Variants in SENP2 observed in about 807,000 individuals in gnomAD.
SENP2 encodes sentrin-specific protease 2.
A neutral mutation model predicts 86.3 loss-of-function variants in SENP2; 16 were observed. The ratio of observed to expected loss-of-function variants is 0.19; its 90% CI spans 0.13 to 0.28. The LOEUF (loss-of-function observed/expected upper bound fraction) is 0.28, where lower values mean the gene tolerates loss of function less well. SENP2 is among the 10% of genes least tolerant of loss of function. The probability of loss-of-function intolerance (pLI) is 1.00; values close to 1 mark genes in which losing one functional copy is unlikely to be tolerated. For synonymous variants in SENP2, 222 were observed against 238.7 expected, an observed-to-expected ratio of 0.93 and a Z score of 0.64; for missense variants, 552 against 703.0, an observed-to-expected ratio of 0.79 and a Z score of 2.43.
chr3:185,586,342 C>A lies in SENP2; in HGVS notation c.-72C>A. The A allele has an allele frequency of 6.3e-7, 1 of 1,593,102 alleles. No homozygotes were observed. The highest frequency in any genetic ancestry group is 2.2e-5 in the East Asian group (1 of 44,554). ...GCGGTGGTGGTTAAGACGGCGAAGGCGGCAGCGGCGGCGACAGCTCTGGGG... is the reference window on the plus strand; with the variant it reads ...GCGGTGGTGGTTAAGACGGCGAAGGAGGCAGCGGCGGCGACAGCTCTGGGG... On this transcript the variant is annotated 5_prime_UTR_variant, in exon 1 of 17. Transcript: ENST00000296257. The surrounding 1 kb of genome is among the most constrained non-coding windows in gnomAD (Gnocchi z 4.3).
chr3:185,622,763 T>G (rs1711946638), intron 14 of SENP2, among the ~76,000 whole-genome samples: 1 of 151,912 alleles, frequency 6.6e-6, no homozygotes, highest in African/African-American at 2.4e-5. Flanking sequence ...TACAGTATAG[T>G]TTGATGTGCT....
intron 16 of SENP2, among the ~76,000 whole-genome samples, chr3:185,626,721 C>T (rs948321383): frequency 1.6e-4 from 24 of 151,454 alleles, no homozygotes; most frequent in Non-Finnish European, 3.1e-4. Flanking sequence ...TGCAGTGAGC[C>T]GAGGTCGCAC....
intron 13 of SENP2, among the ~76,000 whole-genome samples, chr3:185,620,066 A>T (rs2034343): frequency 0.4 from 56,642 of 143,136 alleles, 10,942 homozygotes; most frequent in South Asian, 0.57. Context: ...TTTTTTTTTT[A>T]AATTTTTATT....
At chr3:185,594,683 A>G (rs370386642) in intron 2 of SENP2, among the ~76,000 whole-genome samples, 3 of 150,710 alleles carry the variant, frequency 2.0e-5, no homozygotes, top group East Asian at 3.9e-4. Context: ...GCAGTGGCAC[A>G]ATCTCGGTTC....
In SENP2 at chr3:185,630,213, CA is replaced by C. The variant is rs1712353122; in HGVS notation, c.*372del. The C allele has an allele frequency of 5.2e-6, 1 of 190,916 alleles. No homozygotes were observed. Among genetic ancestry groups the C allele is most frequent in the South Asian group, 1.3e-4 (1 of 7,544 alleles). 11.8% of individuals were successfully genotyped at this position (190,916 alleles called of 1,614,324 possible). A position where few individuals can be genotyped will look rare whatever the true frequency, so the allele number is the denominator to read the frequency against. On this transcript the variant is annotated 3_prime_UTR_variant, in exon 17 of 17. Transcript: ENST00000296257. ...GCGTATTCATTCACTCACTCGTTTG[CA>C]AACATAATGGGCAGTGGTCATTTAC...
At chr3:185,628,669 G>C (rs1712268147) in intron 16 of SENP2, among the ~76,000 whole-genome samples, 1 of 151,974 alleles carries the variant, frequency 6.6e-6, no homozygotes, top group South Asian at 2.1e-4. Flanking sequence ...ACCACCCCTG[G>C]CTAATTTTGT....
intron 8 of SENP2, chr3:185,612,393 C>T: frequency 2.2e-6 from 1 of 452,794 alleles, no homozygotes; most frequent in East Asian, 3.4e-5. Flanking sequence ...AGATATCACT[C>T]AGTTTATAGT....
chr3:185,615,624 G>A (rs1181586350), intron 11 of SENP2, among the ~76,000 whole-genome samples: 17 of 152,134 alleles, frequency 1.1e-4, no homozygotes, highest in Non-Finnish European at 2.2e-4. Flanking sequence ...GATTATAGGC[G>A]CAAGCCACTG....
In SENP2 at chr3:185,611,618, T is replaced by C. The variant is rs746523684; in HGVS notation, c.723-33T>C. ...ATATTAATGGTAGACTTTGCTTTTG[T>C]ATCTGATCTCCCTCACTTTTTGTGT... On this transcript the variant is annotated intron_variant, in intron 7 of 16. Transcript: ENST00000296257. 4.8e-6 allele frequency: 7 copies of C among 1,468,434 alleles called. No individual in the cohort carries two copies. In the South Asian group the frequency reaches 8.0e-5, roughly 17 times the overall value. 91.0% of individuals were successfully genotyped at this position (1,468,434 alleles called of 1,614,324 possible). A position where few individuals can be genotyped will look rare whatever the true frequency, so the allele number is the denominator to read the frequency against.
At chr3:185,627,542 A>C (rs929863160) in intron 16 of SENP2, among the ~76,000 whole-genome samples, 1 of 152,052 alleles carries the variant, frequency 6.6e-6, no homozygotes, top group African/African-American at 2.4e-5. Context: ...CCTCCCCAGT[A>C]GCTGGGACTA....
intron 12 of SENP2, 97 bp from the exon 13 acceptor site, chr3:185,619,202 A>T: frequency 1.1e-6 from 1 of 875,688 alleles, no homozygotes; most frequent in Non-Finnish European, 1.8e-6. Flanking sequence ...CCTCTTCTTT[A>T]GTACCTTACC....
intron 5 of SENP2, among the ~76,000 whole-genome samples, chr3:185,604,908 A>G (rs1331017377): frequency 6.6e-6 from 1 of 151,078 alleles, no homozygotes; most frequent in Non-Finnish European, 1.5e-5. Context: ...GGCATGCACC[A>G]CCACGCCCAG....
At chr3:185,589,306 TACAC>T (rs1411759121) in intron 1 of SENP2, among the ~76,000 whole-genome samples, 8 of 152,118 alleles carry the variant, frequency 5.3e-5, no homozygotes, top group Non-Finnish European at 8.8e-5. Flanking sequence ...TTAACTCCCT[TACAC>T]ACACACAAAA....
chr3:185,595,389 G>C (rs1168618321), intron 2 of SENP2, among the ~76,000 whole-genome samples: 1 of 152,102 alleles, frequency 6.6e-6, no homozygotes, highest in Non-Finnish European at 1.5e-5. Flanking sequence ...GGGATAACCT[G>C]GAATTCTCTG....
In SENP2 at chr3:185,606,448, T is replaced by C; in HGVS notation, c.568T>C (p.Ser190Pro). The C allele has an allele frequency of 6.2e-7, 1 of 1,613,934 alleles. No individual in the cohort carries two copies. The highest frequency in any genetic ancestry group is 8.5e-7 in the Non-Finnish European group (1 of 1,179,964). Residue 190 changes from serine to proline, a missense_variant, in exon 6 of 17, where the codon TCT (serine) becomes CCT (proline). Transcript: ENST00000296257. ...PQEQAVTEMI[S>P]EESGKGLRRP... Reference sequence around the variant, plus strand: ...GGAACAGGCTGTAACAGAGATGATTTCTGAAGAGAGTGGCAAGGGTCTGAG... The same window carrying C: ...GGAACAGGCTGTAACAGAGATGATTCCTGAAGAGAGTGGCAAGGGTCTGAG...
At chr3:185,622,781 C>T (rs1024312578) in intron 14 of SENP2, among the ~76,000 whole-genome samples, 1 of 149,772 alleles carries the variant, frequency 6.7e-6, no homozygotes. Flanking sequence ...GCTGCTTATA[C>T]CAGGATTTGA....
intron 5 of SENP2, among the ~76,000 whole-genome samples, chr3:185,605,121 G>A (rs910977475): frequency 3.3e-5 from 5 of 150,544 alleles, no homozygotes; most frequent in Admixed American, 1.3e-4. Flanking sequence ...CTGTATCCCA[G>A]CACTTTGGGA....
chr3:185,595,281 G>C lies in SENP2; in HGVS notation c.158-3131G>C, dbSNP rs573324547. 2.0e-5 allele frequency among the ~76,000 whole-genome samples: 3 copies of C among 152,150 alleles called. No individual in the cohort carries two copies. In the South Asian group the frequency reaches 6.2e-4, roughly 32 times the overall value. ...GAGGCTTCTTGTCCTCTAGAGTCTG[G>C]ATGACAGACTGTGGGTTAAGCATCA... On this transcript the variant is annotated intron_variant, in intron 2 of 16. Transcript: ENST00000296257.
intron 16 of SENP2, 63 bp from the exon 17 acceptor site, chr3:185,629,719 G>A (rs2148997812): frequency 2.0e-6 from 3 of 1,493,996 alleles, no homozygotes; most frequent in East Asian, 4.5e-5. Flanking sequence ...GATTACACCT[G>A]AAGGTTGTGC....
Sources: allele counts gnomAD v4.1 joint callset (sites outside exome capture counted in the v4.1 genomes callset), GRCh38; gene constraint gnomAD v4.1.1; non-coding constraint Gnocchi (gnomAD v3.1); transcripts MANE v1.5; gene names NCBI Gene and HGNC (gene_info 2026-07-23, HGNC 2026-07-21).